Variants in KCNAB1 observed in about 807,000 individuals in gnomAD.
KCNAB1 encodes voltage-gated potassium channel subunit beta-1.
KCNAB1 carries 35 observed loss-of-function variants against 64.6 expected under a neutral mutation model. That is an observed-to-expected ratio of 0.54 (90% confidence interval 0.41 to 0.72). The LOEUF is 0.72. Ranked by LOEUF, KCNAB1 falls within the 30% of genes least tolerant of loss-of-function variation. The probability of loss-of-function intolerance (pLI) is 0.00; values close to 1 mark genes in which losing one functional copy is unlikely to be tolerated. For synonymous variants in KCNAB1, 177 were observed against 183.8 expected (o/e 0.96, Z 0.30); for missense variants, 401 against 512.9 (o/e 0.78, Z 2.11).
chr3:156,143,224 C>G, intron 1 of KCNAB1: 2 of 1,613,556 alleles, frequency 1.2e-6, no homozygotes, highest in South Asian at 1.1e-5. Context: ...GAGCCCCAAG[C>G]TGGGTCTGCC....
chr3:156,155,245 A>G (rs559869843), intron 1 of KCNAB1, among the ~76,000 whole-genome samples: 3 of 152,282 alleles, frequency 2.0e-5, no homozygotes, highest in South Asian at 4.2e-4. Context: ...GATTCATCCA[A>G]CAGCTCTCCA....
intron 1 of KCNAB1, among the ~76,000 whole-genome samples, chr3:156,331,850 C>G (rs1354092904): frequency 6.6e-6 from 1 of 152,054 alleles, no homozygotes; most frequent in Non-Finnish European, 1.5e-5. Flanking sequence ...GGCAGGGGGT[C>G]AAATTTTCCA....
At chr3:156,158,924 C>A (rs556877953) in intron 1 of KCNAB1, among the ~76,000 whole-genome samples, 7 of 152,158 alleles carry the variant, frequency 4.6e-5, no homozygotes, top group South Asian at 2.1e-4. Context: ...AACTACTGAC[C>A]TTATCTGGGA....
rs1164963267 is a variant in KCNAB1 at position 156,537,936 on chromosome 3, A to T, written c.*1189A>T. The T allele has an allele frequency of 1.3e-5, 2 of 152,200 alleles. No homozygotes were observed. The highest frequency in any genetic ancestry group is 2.9e-5 in the Non-Finnish European group (2 of 68,030). 9.4% of individuals were successfully genotyped at this position (152,200 alleles called of 1,614,324 possible). On this transcript the variant is annotated 3_prime_UTR_variant, in exon 14 of 14. Coordinates refer to ENST00000490337, the MANE Select transcript of KCNAB1 (RefSeq NM_172160.3). ...TGAAAAGCAAAATGTTAAAGAAAGA[A>T]CTTCTGGTTCTATAATCATATTATA...
At chr3:156,396,353 C>T (rs754811749) in intron 1 of KCNAB1, among the ~76,000 whole-genome samples, 29 of 152,144 alleles carry the variant, frequency 1.9e-4, no homozygotes, top group Non-Finnish European at 3.2e-4. Flanking sequence ...AATTTAAAAA[C>T]TATAAAGTTA....
intron 2 of KCNAB1, among the ~76,000 whole-genome samples, chr3:156,435,526 G>C (rs1199520828): frequency 1.3e-5 from 2 of 152,174 alleles, no homozygotes; most frequent in African/African-American, 4.8e-5. Flanking sequence ...TTTTTGTCAG[G>C]CAGGTGCAAT....
intron 1 of KCNAB1, among the ~76,000 whole-genome samples, chr3:156,272,228 G>A (rs1719078754): frequency 6.6e-6 from 1 of 152,222 alleles, no homozygotes; most frequent in South Asian, 2.1e-4. Context: ...GTTTGGTCAA[G>A]GGCCTCAGGC....
At chr3:156,313,658 C>T (rs543857856) in intron 1 of KCNAB1, among the ~76,000 whole-genome samples, 5 of 152,162 alleles carry the variant, frequency 3.3e-5, no homozygotes, top group Non-Finnish European at 7.3e-5. Context: ...AGGAATCAAC[C>T]CCGTCTGCAT....
At chr3:156,507,109 A>T (rs1446666209) in intron 8 of KCNAB1, among the ~76,000 whole-genome samples, 2 of 152,230 alleles carry the variant, frequency 1.3e-5, no homozygotes, top group Non-Finnish European at 2.9e-5. Flanking sequence ...ACGATGACAG[A>T]TCACAGAACT....
chr3:156,293,415 A>G (rs541253778), intron 1 of KCNAB1, among the ~76,000 whole-genome samples: 90 of 152,354 alleles, frequency 5.9e-4, no homozygotes, highest in Non-Finnish European at 1.1e-3. Flanking sequence ...AAAATAATGC[A>G]TAGGCAACAT....
intron 1 of KCNAB1, among the ~76,000 whole-genome samples, chr3:156,366,613 A>T (rs564042306): frequency 1.3e-5 from 2 of 152,318 alleles, no homozygotes; most frequent in Admixed American, 1.3e-4. Flanking sequence ...CATTTGAGGG[A>T]TAACCAAATC....
chr3:156,328,705 A>G (rs1723142344), intron 1 of KCNAB1, among the ~76,000 whole-genome samples: 1 of 152,148 alleles, frequency 6.6e-6, no homozygotes, highest in Non-Finnish European at 1.5e-5. Flanking sequence ...ATCTCTGTAG[A>G]ATTGTTAATA....
intron 8 of KCNAB1, among the ~76,000 whole-genome samples, chr3:156,494,732 A>C (rs1009977430): frequency 1.3e-5 from 2 of 152,202 alleles, no homozygotes; most frequent in Non-Finnish European, 2.9e-5. Flanking sequence ...CTCAGGAAGC[A>C]GAATATGGTT....
At chr3:156,345,728 T>G (rs925555504) in intron 1 of KCNAB1, among the ~76,000 whole-genome samples, 2 of 152,178 alleles carry the variant, frequency 1.3e-5, no homozygotes, top group African/African-American at 4.8e-5. Context: ...CAGAACTGAT[T>G]CAGAAGTACA....
Position 156,465,690 on chromosome 3 carries a change from G to C in KCNAB1, c.571+4G>C. 6.2e-7 allele frequency: 1 copy of C among 1,611,224 alleles called. No homozygotes were observed. Among genetic ancestry groups the C allele is most frequent in the Non-Finnish European group, 8.5e-7 (1 of 1,177,612 alleles). ...TCAAGAAAGCATATTATTGAAGGTGGGTACTTCTGCTTCAATTTTATTTTT... is the reference window on the plus strand; with the variant it reads ...TCAAGAAAGCATATTATTGAAGGTGCGTACTTCTGCTTCAATTTTATTTTT... On this transcript the variant is annotated splice_donor_region_variant and intron_variant, in intron 7 of 13. Coordinates refer to ENST00000490337, the MANE Select transcript of KCNAB1 (RefSeq NM_172160.3).
intron 1 of KCNAB1, among the ~76,000 whole-genome samples, chr3:156,211,990 C>G (rs908169948): frequency 5.3e-5 from 8 of 152,154 alleles, no homozygotes; most frequent in African/African-American, 1.9e-4. Flanking sequence ...TGTGGCTGCA[C>G]AGAGAGTTTT....
chr3:156,351,318 G>A (rs1197350293), intron 1 of KCNAB1, among the ~76,000 whole-genome samples: 2 of 152,182 alleles, frequency 1.3e-5, no homozygotes, highest in East Asian at 1.9e-4. Context: ...GAAGCTCCAC[G>A]TCAGGGGTTC....
At chr3:156,312,658 T>C (rs556965007) in intron 1 of KCNAB1, among the ~76,000 whole-genome samples, 1 of 107,098 alleles carries the variant, frequency 9.3e-6, no homozygotes, top group East Asian at 2.5e-4. Context: ...GTTGCCAAGA[T>C]AGCATTACTG....
chr3:156,457,151 C>T, intron 3 of KCNAB1: 1 of 1,071,698 alleles, frequency 9.3e-7, no homozygotes, highest in South Asian at 2.8e-5. Context: ...ATTAAGATGC[C>T]ATAAAGAATG....
Sources: gnomAD v4.1 joint callset for allele counts (sites outside exome capture counted in the v4.1 genomes callset) on GRCh38, gnomAD v4.1.1 for gene constraint, MANE v1.5 for transcripts, NCBI Gene and HGNC (gene_info 2026-07-23, HGNC 2026-07-21) for gene names.